PAG1: variants seen among roughly 807,000 people sequenced by gnomAD.
PAG1 encodes the protein phosphoprotein associated with glycosphingolipid-enriched microdomains 1.
Under a neutral mutation model 31.7 loss-of-function variants are expected in PAG1, and 23 were observed. The ratio of observed to expected loss-of-function variants is 0.73; its 90% CI spans 0.52 to 1.03. PAG1 has a LOEUF of 1.03. Among genes scored for constraint, PAG1 ranks in the 50% least tolerant of loss-of-function variants. PAG1 has a pLI of 0.00. For synonymous variants in PAG1, 214 were observed against 210.3 expected (o/e 1.02, Z -0.15); for missense variants, 473 against 540.7 (o/e 0.87, Z 1.24).
chr8:81,069,692 G>A (rs1365458097), intron 2 of PAG1, among the ~76,000 whole-genome samples: 1 of 152,282 alleles, frequency 6.6e-6, no homozygotes, highest in Admixed American at 6.5e-5. Context: ...TGGTGGTGGT[G>A]GCAGTGAGCA....
At chr8:81,104,772 C>T (rs1238132619) in intron 1 of PAG1, among the ~76,000 whole-genome samples, 3 of 152,118 alleles carry the variant, frequency 2.0e-5, no homozygotes, top group Non-Finnish European at 4.4e-5. Flanking sequence ...AAATCCACAC[C>T]AGTATTCAAA....
intron 2 of PAG1, among the ~76,000 whole-genome samples, chr8:81,041,570 C>T (rs547331964): frequency 6.6e-6 from 1 of 152,298 alleles, no homozygotes; most frequent in South Asian, 2.1e-4. Flanking sequence ...CGGAGGAAAG[C>T]TGCAGTTGTG....
chr8:81,027,062 G>C (rs1808294064), intron 3 of PAG1, among the ~76,000 whole-genome samples: 1 of 151,910 alleles, frequency 6.6e-6, no homozygotes, highest in Admixed American at 6.6e-5. Context: ...TCAGACTGGA[G>C]TGGAGTGGTA....
At chr8:81,025,001 T>A (rs1808250605) in intron 3 of PAG1, among the ~76,000 whole-genome samples, 1 of 152,208 alleles carries the variant, frequency 6.6e-6, no homozygotes, top group Admixed American at 6.5e-5. Flanking sequence ...TAGGGATAAT[T>A]CAGTTCTATC....
chr8:81,015,359 C>T (rs575016457), intron 3 of PAG1, among the ~76,000 whole-genome samples: 1 of 152,202 alleles, frequency 6.6e-6, no homozygotes, highest in Non-Finnish European at 1.5e-5. Context: ...AAACATTGTA[C>T]TTGACCGTCT....
intron 2 of PAG1, among the ~76,000 whole-genome samples, chr8:81,033,215 T>G (rs1808403701): frequency 6.6e-6 from 1 of 151,942 alleles, no homozygotes. Context: ...CAGATCAGTC[T>G]TAAAAAAAAA....
intron 1 of PAG1, among the ~76,000 whole-genome samples, chr8:81,109,757 G>A (rs192669451): frequency 1.3e-5 from 2 of 150,262 alleles, no homozygotes; most frequent in Admixed American, 6.6e-5. Context: ...CTACTGTTCA[G>A]TGGGGTAGGT....
At chr8:81,040,029 C>G (rs1461821191) in intron 2 of PAG1, among the ~76,000 whole-genome samples, 9 of 152,088 alleles carry the variant, frequency 5.9e-5, no homozygotes, top group Non-Finnish European at 1.2e-4. Flanking sequence ...TTTACTGGGA[C>G]ACAGTATCTT....
chr8:81,038,615 C>T (rs1278870787), intron 2 of PAG1, among the ~76,000 whole-genome samples: 1 of 151,986 alleles, frequency 6.6e-6, no homozygotes, highest in Non-Finnish European at 1.5e-5. Context: ...GAAGTGTCTT[C>T]CTTGCTCCTT....
At chr8:80,987,811 T>G (rs1807457000) in intron 5 of PAG1, among the ~76,000 whole-genome samples, 1 of 152,244 alleles carries the variant, frequency 6.6e-6, no homozygotes, top group African/African-American at 2.4e-5. Context: ...TGCTCTTCCT[T>G]TCTCTCAAAA....
chr8:81,051,001 C>T (rs552476196), intron 2 of PAG1, among the ~76,000 whole-genome samples: 2 of 152,326 alleles, frequency 1.3e-5, no homozygotes, highest in Non-Finnish European at 2.9e-5. Context: ...GGTGACTTTA[C>T]GTTTGTCTTA....
Position 80,972,412 on chromosome 8 carries a change from C to T in PAG1, c.*4132G>A, listed in dbSNP as rs1563609805. On this transcript the variant is annotated 3_prime_UTR_variant, in exon 9 of 9. Coordinates refer to ENST00000220597, the MANE Select transcript of PAG1 (RefSeq NM_018440.4). ...TGTAATTATAGCCATGGTATCAGAC[C>T]AGCTTTTTCGCACATCCTATCACAT... The T allele has an allele frequency of 6.6e-6, 1 of 152,214 alleles. No homozygotes were observed. Among genetic ancestry groups the T allele is most frequent in the Non-Finnish European group, 1.5e-5 (1 of 68,036 alleles). 9.4% of individuals were successfully genotyped at this position (152,214 alleles called of 1,614,324 possible). A position where few individuals can be genotyped will look rare whatever the true frequency, so the allele number is the denominator to read the frequency against.
Position 80,991,528 on chromosome 8 carries a change from T to C in PAG1, c.128A>G (p.Glu43Gly). 2 of 1,612,578 alleles carry C rather than the reference T, an allele frequency of 1.2e-6. No individual in the cohort carries two copies. Among genetic ancestry groups the C allele is most frequent in the South Asian group, 2.2e-5 (2 of 91,048 alleles). Residue 43 changes from glutamate (E) to glycine (G), a missense_variant and splice_region_variant, in exon 5 of 9, where the codon GAA becomes GGA. Transcript: ENST00000220597. ...CCCACTATGCTGTCGCGGCTTCTTTTCCCTGAAATGAAAAGTGAAATGTTG... is the reference window on the plus strand; with the variant it reads ...CCCACTATGCTGTCGCGGCTTCTTTCCCCTGAAATGAAAAGTGAAATGTTG... ...LIFLCSSCDR[E>G]KKPRQHSGDH... is the part of the protein sequence containing the mutation.
At chr8:80,985,473 C>T (rs556446735) in intron 6 of PAG1, 96 bp from the exon 7 acceptor site, 35 of 1,290,854 alleles carry the variant, frequency 2.7e-5, no homozygotes, top group Admixed American at 2.7e-5. Flanking sequence ...AATCAAGATG[C>T]GTGCTTTTTA....
intron 1 of PAG1, among the ~76,000 whole-genome samples, chr8:81,092,186 C>T (rs918661074): frequency 1.2e-5 from 1 of 85,722 alleles, no homozygotes; most frequent in Non-Finnish European, 2.2e-5. Flanking sequence ...AACCACATCT[C>T]TGCAAAAAAA....
At chr8:81,018,439 C>T (rs1417485121) in intron 3 of PAG1, among the ~76,000 whole-genome samples, 2 of 152,178 alleles carry the variant, frequency 1.3e-5, no homozygotes, top group East Asian at 3.9e-4. Flanking sequence ...ATAAGTGACT[C>T]ACATGGCAAT....
At chr8:81,021,857 A>T (rs1463248446) in intron 3 of PAG1, among the ~76,000 whole-genome samples, 1 of 152,188 alleles carries the variant, frequency 6.6e-6, no homozygotes, top group African/African-American at 2.4e-5. Flanking sequence ...ATTTAAAGTA[A>T]TAAAAGTCAG....
chr8:81,055,240 T>G lies in PAG1; in HGVS notation c.-175+14872A>C, dbSNP rs533180355. Reference sequence around the variant, plus strand: ...CACCATGCCTGGCTAATTTTTAATTTTTTTTTACAGAGACATGGTCTCACT... The same window carrying G: ...CACCATGCCTGGCTAATTTTTAATTGTTTTTTACAGAGACATGGTCTCACT... On this transcript the variant is annotated intron_variant, in intron 2 of 8. Transcript: ENST00000220597. Among the ~76,000 whole-genome samples, 166 of 152,174 alleles carry G rather than the reference T, an allele frequency of 1.1e-3. 1 individual carries two copies. The highest frequency in any genetic ancestry group is 1.6e-3 in the Non-Finnish European group (107 of 67,984).
intron 2 of PAG1, among the ~76,000 whole-genome samples, chr8:81,065,042 T>C (rs376427794): frequency 6.6e-6 from 1 of 152,058 alleles, no homozygotes; most frequent in Non-Finnish European, 1.5e-5. Context: ...TGGCAAGGGA[T>C]CTGGGCATCC....
Sources: allele counts gnomAD v4.1 joint callset (sites outside exome capture counted in the v4.1 genomes callset), GRCh38; gene constraint gnomAD v4.1.1; transcripts MANE v1.5; gene names NCBI Gene and HGNC (gene_info 2026-07-23, HGNC 2026-07-21).